Variants in SLC30A6 observed in about 807,000 individuals in gnomAD.
SLC30A6 encodes solute carrier family 30 member 6, also known as zinc transporter 6.
Under a neutral mutation model 63.0 loss-of-function variants are expected in SLC30A6, and 55 were observed. That is an observed-to-expected ratio of 0.87 (90% CI 0.70 to 1.09). The LOEUF (loss-of-function observed/expected upper bound fraction) is 1.09, where lower values mean the gene tolerates loss of function less well. Ranked by LOEUF, SLC30A6 falls within the 50% of genes least tolerant of loss-of-function variation. The pLI is 0.00. For synonymous variants in SLC30A6, 224 were observed against 186.1 expected, an observed-to-expected ratio of 1.20 and a Z score of -1.66; for missense variants, 587 against 549.2, an observed-to-expected ratio of 1.07 and a Z score of -0.69.
At chr2:32,177,894 G>A (rs965442706) in intron 4 of SLC30A6, among the ~76,000 whole-genome samples, 3 of 150,808 alleles carry the variant, frequency 2.0e-5, no homozygotes, top group African/African-American at 7.3e-5. Context: ...CTCCCAAAGT[G>A]CTAAGATTAT....
intron 1 of SLC30A6, among the ~76,000 whole-genome samples, chr2:32,167,105 C>CA (rs1435103657): frequency 6.6e-6 from 1 of 151,940 alleles, no homozygotes; most frequent in African/African-American, 2.4e-5. Flanking sequence ...GACGGAGTTC[C>CA]ACTCTTGTTG....
chr2:32,201,630 A>G, intron 10 of SLC30A6: 1 of 1,515,488 alleles, frequency 6.6e-7, no homozygotes, highest in Non-Finnish European at 8.9e-7. Context: ...GGGGTACATT[A>G]TGGAACTGGA....
intron 8 of SLC30A6, among the ~76,000 whole-genome samples, chr2:32,195,455 ATATTGT>A (rs1158363583): frequency 1.3e-5 from 2 of 151,984 alleles, no homozygotes; most frequent in Non-Finnish European, 2.9e-5. Context: ...TGTTTGCATA[ATATTGT>A]TATGAATATT....
intron 5 of SLC30A6, among the ~76,000 whole-genome samples, chr2:32,186,769 G>A (rs980022489): frequency 6.6e-6 from 1 of 151,798 alleles, no homozygotes; most frequent in Admixed American, 6.6e-5. Flanking sequence ...AGGCCCAGGT[G>A]GTCGATCACT....
intron 13 of SLC30A6, among the ~76,000 whole-genome samples, chr2:32,216,826 T>C (rs183903868): frequency 2.0e-3 from 310 of 152,234 alleles, no homozygotes; most frequent in Middle Eastern, 6.8e-3. Flanking sequence ...ATGCATAGTT[T>C]GCAAATATTT....
chr2:32,167,179 G>A (rs1237301658), intron 1 of SLC30A6, among the ~76,000 whole-genome samples: 3 of 152,082 alleles, frequency 2.0e-5, no homozygotes, highest in African/African-American at 7.2e-5. Context: ...GGGTTCAAGC[G>A]ATTCTCCTGC....
chr2:32,186,451 C>A (rs1416130916), intron 5 of SLC30A6, among the ~76,000 whole-genome samples: 1 of 152,184 alleles, frequency 6.6e-6, no homozygotes, highest in South Asian at 2.1e-4. Flanking sequence ...TTCGGGAGGC[C>A]AAGGTGGGTG....
intron 8 of SLC30A6, among the ~76,000 whole-genome samples, chr2:32,196,574 G>A (rs573775229): frequency 1.6e-4 from 25 of 152,204 alleles, no homozygotes; most frequent in Admixed American, 1.0e-3. Context: ...CTTAGATTTC[G>A]GAGTGTTTGC....
chr2:32,188,092 A>G (rs1416590480), intron 5 of SLC30A6, among the ~76,000 whole-genome samples: 1 of 152,098 alleles, frequency 6.6e-6, no homozygotes, highest in South Asian at 2.1e-4. Flanking sequence ...CTTTTCTTCA[A>G]CTTAATCTTC....
intron 8 of SLC30A6, among the ~76,000 whole-genome samples, chr2:32,196,919 G>T (rs1167024550): frequency 3.3e-5 from 5 of 152,176 alleles, no homozygotes; most frequent in Admixed American, 3.3e-4. Context: ...AATTAGCCAG[G>T]TGTGGTGGCA....
intron 8 of SLC30A6, 163 bp from the exon 9 acceptor site, chr2:32,197,181 G>A (rs895226188): frequency 3.2e-6 from 2 of 616,974 alleles, no homozygotes; most frequent in South Asian, 2.2e-5. Context: ...GTGGCATAAG[G>A]GCATAAAAGA....
chr2:32,185,250 GCTT>G (rs909475390), intron 5 of SLC30A6, among the ~76,000 whole-genome samples: 6 of 152,096 alleles, frequency 3.9e-5, no homozygotes, highest in Non-Finnish European at 8.8e-5. Context: ...GGTCCCAGCT[GCTT>G]GGGAAGCTGA....
intron 3 of SLC30A6, among the ~76,000 whole-genome samples, chr2:32,174,548 A>ATTTTTTTTTT (rs11432136): frequency 5.4e-5 from 5 of 92,260 alleles, no homozygotes; most frequent in Non-Finnish European, 9.4e-5. Flanking sequence ...CTATCTGGAG[A>ATTTTTTTTTT]TTTTTTTTTT....
intron 8 of SLC30A6, among the ~76,000 whole-genome samples, chr2:32,196,965 C>G (rs1683846457): frequency 6.6e-6 from 1 of 152,174 alleles, no homozygotes; most frequent in South Asian, 2.1e-4. Flanking sequence ...GAGGCTGAGG[C>G]AGGAGAATTG....
At chr2:32,205,018 G>C (rs1031307748) in intron 11 of SLC30A6, among the ~76,000 whole-genome samples, 1 of 151,978 alleles carries the variant, frequency 6.6e-6, no homozygotes, top group Non-Finnish European at 1.5e-5. Flanking sequence ...TCACTATGTT[G>C]CCCAGGCTGA....
At chr2:32,182,401 T>G (rs899589684) in intron 4 of SLC30A6, among the ~76,000 whole-genome samples, 4 of 152,244 alleles carry the variant, frequency 2.6e-5, no homozygotes, top group African/African-American at 9.6e-5. Context: ...TAGCACACTA[T>G]ATGAACCCTG....
At chr2:32,203,773 G>T (rs1210855983) in intron 10 of SLC30A6, 2 of 1,496,694 alleles carry the variant, frequency 1.3e-6, no homozygotes, top group African/African-American at 2.8e-5. Flanking sequence ...CTCAGTGCCA[G>T]CCAAATTACC....
chr2:32,211,561 G>T (rs1274764262), intron 13 of SLC30A6, among the ~76,000 whole-genome samples: 1 of 151,480 alleles, frequency 6.6e-6, no homozygotes, highest in East Asian at 1.9e-4. Flanking sequence ...ATATGTCTTG[G>T]CATTGGTCAT....
intron 13 of SLC30A6, chr2:32,214,670 TGGTTAAGACCCA>T (rs1049455444): frequency 2.6e-5 from 4 of 152,210 alleles, no homozygotes; most frequent in African/African-American, 9.6e-5. Context: ...ATGAAGTCCC[TGGTTAAGACCCA>T]GGAATTTAAT....
Sources: gnomAD v4.1 joint callset for allele counts (sites outside exome capture counted in the v4.1 genomes callset) on GRCh38, gnomAD v4.1.1 for gene constraint, MANE v1.5 for transcripts, NCBI Gene and HGNC (gene_info 2026-07-23, HGNC 2026-07-21) for gene names.